EYA4: variants seen among roughly 807,000 people sequenced by gnomAD.
EYA4 encodes the protein protein phosphatase EYA4.
A neutral mutation model predicts 87.9 loss-of-function variants in EYA4; 31 were observed. The observed-to-expected ratio is 0.35, with a 90% confidence interval of 0.27 to 0.48. The LOEUF (loss-of-function observed/expected upper bound fraction) is 0.48, where lower values mean the gene tolerates loss of function less well. Among genes scored for constraint, EYA4 ranks in the 20% least tolerant of loss-of-function variants. The probability of loss-of-function intolerance (pLI) is 0.99; values close to 1 mark genes in which losing one functional copy is unlikely to be tolerated. For missense variants in EYA4, 678 were observed against 761.4 expected (o/e 0.89, Z 1.29); for synonymous variants, 263 against 270.6 (o/e 0.97, Z 0.28).
intron 2 of EYA4, among the ~76,000 whole-genome samples, chr6:133,344,656 A>G (rs1019069263): frequency 6.6e-6 from 1 of 152,094 alleles, no homozygotes; most frequent in African/African-American, 2.4e-5. Context: ...TTAATATTAT[A>G]TATATTTTAT....
chr6:133,325,670 G>A (rs1273924205), intron 2 of EYA4, among the ~76,000 whole-genome samples: 2 of 152,142 alleles, frequency 1.3e-5, no homozygotes, highest in Non-Finnish European at 2.9e-5. Flanking sequence ...GTATAAATCT[G>A]CATCTGGAAA....
chr6:133,490,598 A>T (rs545723239), intron 13 of EYA4, among the ~76,000 whole-genome samples: 50 of 152,228 alleles, frequency 3.3e-4, no homozygotes, highest in African/African-American at 1.1e-3. Context: ...AACTATAAAA[A>T]TTAGACAAAA....
chr6:133,362,781 A>C (rs1208111787), intron 2 of EYA4, among the ~76,000 whole-genome samples: 2 of 152,202 alleles, frequency 1.3e-5, no homozygotes, highest in Non-Finnish European at 2.9e-5. Flanking sequence ...CTGAAAGTAA[A>C]TAAATCTTGT....
intron 3 of EYA4, among the ~76,000 whole-genome samples, chr6:133,439,816 T>C (rs952253679): frequency 3.3e-5 from 5 of 151,518 alleles, no homozygotes; most frequent in Non-Finnish European, 7.4e-5. Flanking sequence ...ATCACATTGT[T>C]AGCATCATTG....
intron 3 of EYA4, among the ~76,000 whole-genome samples, chr6:133,404,826 T>A (rs1174324918): frequency 6.6e-6 from 1 of 152,236 alleles, no homozygotes; most frequent in African/African-American, 2.4e-5. Flanking sequence ...ATTGCTTGTA[T>A]CCAGTTTCTA....
At chr6:133,279,984 T>C (rs1777492681) in intron 2 of EYA4, among the ~76,000 whole-genome samples, 1 of 152,204 alleles carries the variant, frequency 6.6e-6, no homozygotes, top group South Asian at 2.1e-4. Context: ...CCTAAAATTC[T>C]ATTATTCTGT....
chr6:133,407,124 G>T (rs1046928427), intron 3 of EYA4, among the ~76,000 whole-genome samples: 13 of 151,954 alleles, frequency 8.6e-5, no homozygotes, highest in Admixed American at 8.5e-4. Flanking sequence ...TTTTAATTTG[G>T]GAAAGGTCTA....
chr6:133,379,477 G>A (rs184878928), intron 2 of EYA4, among the ~76,000 whole-genome samples: 55 of 151,938 alleles, frequency 3.6e-4, no homozygotes, highest in African/African-American at 1.2e-3. Context: ...AATAAGATAG[G>A]GTTTTGAAGT....
chr6:133,448,505 CA>C (rs1031454651), intron 5 of EYA4, among the ~76,000 whole-genome samples: 3 of 152,102 alleles, frequency 2.0e-5, no homozygotes, highest in African/African-American at 7.2e-5. Flanking sequence ...CCATGTCAAA[CA>C]GCAATTGAAG....
intron 3 of EYA4, among the ~76,000 whole-genome samples, chr6:133,402,721 TACACAC>T (rs66487611): frequency 2.0e-5 from 3 of 148,170 alleles, no homozygotes; most frequent in Non-Finnish European, 3.0e-5. Flanking sequence ...TGAAATGTGA[TACACAC>T]ACACACACAC....
intron 1 of EYA4, among the ~76,000 whole-genome samples, chr6:133,255,931 A>G (rs1235949257): frequency 6.6e-6 from 1 of 152,034 alleles, no homozygotes; most frequent in East Asian, 1.9e-4. Context: ...TCTAGATGCA[A>G]TATTAATAGA....
At chr6:133,309,672 A>G (rs1486847457) in intron 2 of EYA4, among the ~76,000 whole-genome samples, 1 of 152,222 alleles carries the variant, frequency 6.6e-6, no homozygotes, top group East Asian at 1.9e-4. Flanking sequence ...ATGTACTAAC[A>G]TGCCAACATG....
intron 2 of EYA4, among the ~76,000 whole-genome samples, chr6:133,313,360 G>A (rs949314431): frequency 6.6e-6 from 1 of 152,184 alleles, no homozygotes; most frequent in Non-Finnish European, 1.5e-5. Context: ...AGTTAGAATA[G>A]AGGTGGAGAT....
intron 2 of EYA4, among the ~76,000 whole-genome samples, chr6:133,323,390 A>G (rs1346091303): frequency 6.6e-6 from 1 of 152,090 alleles, no homozygotes; most frequent in Non-Finnish European, 1.5e-5. Context: ...TTGGATTTCA[A>G]CAGAAGTGTG....
rs537204906 is a variant in EYA4 at position 133,425,940 on chromosome 6, A to G, written c.84-20690A>G. On this transcript the variant is annotated intron_variant, in intron 3 of 19. Transcript: ENST00000355286. ...TTTTCACGCTTTCTCCCTGACCTCT[A>G]TCATGCAGAAATATTTAACTGCTTG... Among the ~76,000 whole-genome samples, 128 of 150,938 alleles carry G rather than the reference A, an allele frequency of 8.5e-4. 5 individuals are homozygous for G. The highest frequency in any genetic ancestry group is 3.1e-3 in the African/African-American group (124 of 40,394).
chr6:133,281,490 A>C (rs1777621924), intron 2 of EYA4, among the ~76,000 whole-genome samples: 1 of 152,196 alleles, frequency 6.6e-6, no homozygotes, highest in Admixed American at 6.5e-5. Flanking sequence ...AGTTAAGATA[A>C]TGGCCTTCAC....
chr6:133,487,447 A>G (rs1281668487), intron 13 of EYA4, among the ~76,000 whole-genome samples: 4 of 152,138 alleles, frequency 2.6e-5, no homozygotes, highest in African/African-American at 7.2e-5. Context: ...CAGGCATCAC[A>G]GCTCACAGTT....
intron 2 of EYA4, among the ~76,000 whole-genome samples, chr6:133,306,903 C>T (rs1415919217): frequency 2.0e-5 from 3 of 152,118 alleles, no homozygotes; most frequent in Non-Finnish European, 4.4e-5. Flanking sequence ...TGCAACAAAG[C>T]AGGGTATGAT....
At chr6:133,464,898 T>A (rs767490573) in intron 10 of EYA4, 40 bp downstream of exon 10, 17 of 1,421,330 alleles carry the variant, frequency 1.2e-5, no homozygotes, top group Non-Finnish European at 9.9e-7. Flanking sequence ...TATATGTATT[T>A]CAGATTTTTG....
Sources: gnomAD v4.1 joint callset for allele counts (sites outside exome capture counted in the v4.1 genomes callset) on GRCh38, gnomAD v4.1.1 for gene constraint, MANE v1.5 for transcripts, NCBI Gene and HGNC (gene_info 2026-07-23, HGNC 2026-07-21) for gene names.